The following STK33 variants were observed in gnomAD, a reference collection of about 807,000 sequenced individuals.
STK33 encodes the protein serine/threonine kinase 33, also known as serine/threonine-protein kinase 33.
Under a neutral mutation model 58.0 loss-of-function variants are expected in STK33, and 52 were observed. The observed-to-expected ratio is 0.90, with a 90% CI of 0.72 to 1.13. STK33 has a LOEUF of 1.13. Ranked by LOEUF, STK33 falls within the 50% of genes most tolerant of loss-of-function variation. STK33 has a pLI of 0.00. For missense variants in STK33, 630 were observed against 604.2 expected (o/e 1.04, Z -0.45); for synonymous variants, 215 against 200.1 (o/e 1.07, Z -0.63).
At chr11:8,549,826 G>A (rs995799068) in intron 1 of STK33, among the ~76,000 whole-genome samples, 3 of 151,866 alleles carry the variant, frequency 2.0e-5, no homozygotes, top group African/African-American at 2.4e-5. Context: ...CAGTTGTAAC[G>A]TTTTCATCTC....
chr11:8,548,051 T>C (rs971749633), intron 1 of STK33, among the ~76,000 whole-genome samples: 3 of 151,038 alleles, frequency 2.0e-5, no homozygotes, highest in African/African-American at 4.9e-5. Flanking sequence ...TTAGGAGATA[T>C]ACCTAATGTA....
intron 1 of STK33, among the ~76,000 whole-genome samples, chr11:8,564,689 T>A (rs1487021241): frequency 6.6e-6 from 1 of 152,156 alleles, no homozygotes; most frequent in Non-Finnish European, 1.5e-5. Flanking sequence ...ATTAAAAGCA[T>A]TCTTAGCTGA....
At chr11:8,384,840 C>T in the STK33 span, among the ~76,000 whole-genome samples, 13 of 152,298 alleles carry the variant, frequency 8.5e-5, no homozygotes, top group African/African-American at 2.6e-4. Context: ...GGGCCACTAC[C>T]GGACTCCGCG....
intron 1 of STK33, among the ~76,000 whole-genome samples, chr11:8,487,093 C>G (rs960863529): frequency 6.6e-6 from 1 of 151,974 alleles, no homozygotes; most frequent in Non-Finnish European, 1.5e-5. Flanking sequence ...GGACCAGAGA[C>G]AAGGAGAAAT....
At chr11:8,587,486 G>A (rs1165708025) in intron 1 of STK33, among the ~76,000 whole-genome samples, 2 of 151,148 alleles carry the variant, frequency 1.3e-5, no homozygotes, top group African/African-American at 2.4e-5. Flanking sequence ...GAAAGAACAC[G>A]AGGCACACCT....
intron 1 of STK33, among the ~76,000 whole-genome samples, chr11:8,508,704 C>A (rs935945593): frequency 6.6e-6 from 1 of 152,096 alleles, no homozygotes; most frequent in Non-Finnish European, 1.5e-5. Context: ...ATTGAAAAAC[C>A]TCAATCGGGA....
intron 1 of STK33, among the ~76,000 whole-genome samples, chr11:8,557,823 A>C: frequency 6.6e-6 from 1 of 152,198 alleles, no homozygotes; most frequent in East Asian, 1.9e-4. Context: ...CTTGGTTTTC[A>C]ATCACATGCT....
intron 14 of STK33, among the ~76,000 whole-genome samples, chr11:8,423,712 T>C (rs1425212856): frequency 2.0e-5 from 3 of 152,082 alleles, no homozygotes; most frequent in Non-Finnish European, 4.4e-5. Flanking sequence ...TGTATGTGTC[T>C]ACTAGAATAA....
At chr11:8,350,098 T>C in the STK33 span, among the ~76,000 whole-genome samples, 3 of 152,356 alleles carry the variant, frequency 2.0e-5, no homozygotes, top group Non-Finnish European at 2.9e-5. Context: ...CACATGAGTA[T>C]CTCCATTTTA....
chr11:8,572,868 C>T (rs1353000646), intron 1 of STK33, among the ~76,000 whole-genome samples: 1 of 151,416 alleles, frequency 6.6e-6, no homozygotes, highest in South Asian at 2.1e-4. Context: ...AGGAACTATC[C>T]AAAATAAAAG....
chr11:8,543,334 T>C (rs1309587124), intron 1 of STK33, among the ~76,000 whole-genome samples: 1 of 152,246 alleles, frequency 6.6e-6, no homozygotes, highest in Non-Finnish European at 1.5e-5. Context: ...TTATTTTATT[T>C]GGCCACATTT....
intron 11 of STK33, among the ~76,000 whole-genome samples, chr11:8,445,551 T>C (rs1282415372): frequency 1.3e-5 from 2 of 152,110 alleles, no homozygotes; most frequent in African/African-American, 4.8e-5. Flanking sequence ...TGAGATACGT[T>C]TCATCAATAC....
intron 1 of STK33, among the ~76,000 whole-genome samples, chr11:8,497,323 C>A (rs751064380): frequency 6.6e-6 from 1 of 152,038 alleles, no homozygotes; most frequent in Admixed American, 6.5e-5. Flanking sequence ...TGTCAAAAAA[C>A]AAAATCAAAG....
chr11:8,531,904 C>T (rs1954587491), intron 1 of STK33, among the ~76,000 whole-genome samples: 1 of 152,138 alleles, frequency 6.6e-6, no homozygotes, highest in African/African-American at 2.4e-5. Flanking sequence ...AATGTAAATT[C>T]CCAATTATGA....
chr11:8,336,934 C>T, the STK33 span, among the ~76,000 whole-genome samples: 5 of 152,254 alleles, frequency 3.3e-5, no homozygotes, highest in African/African-American at 1.2e-4. Context: ...ACCACCGTGG[C>T]TCAGAGGAGG....
the STK33 span, among the ~76,000 whole-genome samples, chr11:8,386,824 C>T: frequency 1.3e-5 from 2 of 152,318 alleles, no homozygotes; most frequent in African/African-American, 2.4e-5. Context: ...GGCACAGCTG[C>T]TCACACCACC....
chr11:8,517,164 G>A (rs1654145731), intron 1 of STK33, among the ~76,000 whole-genome samples: 1 of 152,186 alleles, frequency 6.6e-6, no homozygotes, highest in South Asian at 2.1e-4. Flanking sequence ...AGCAACATCT[G>A]CCATTCTGCA....
At chr11:8,459,492 T>A (rs1269315695) in intron 8 of STK33, among the ~76,000 whole-genome samples, 1 of 152,130 alleles carries the variant, frequency 6.6e-6, no homozygotes, top group Non-Finnish European at 1.5e-5. Context: ...ACCAGACTTA[T>A]CTTCCTACCT....
intron 6 of STK33, chr11:8,467,295 A>G (rs1271366480): frequency 6.6e-6 from 1 of 152,414 alleles, no homozygotes; most frequent in Non-Finnish European, 1.5e-5. Context: ...TATAAAACTG[A>G]ATGCCTTTAA....
Sources: allele counts gnomAD v4.1 joint callset (sites outside exome capture counted in the v4.1 genomes callset), GRCh38; gene constraint gnomAD v4.1.1; transcripts MANE v1.5; gene names NCBI Gene and HGNC (gene_info 2026-07-23, HGNC 2026-07-21).